Variants in ATXN1 observed in about 807,000 individuals in gnomAD.
The protein encoded by ATXN1 is ataxin-1.
A neutral mutation model predicts 56.4 loss-of-function variants in ATXN1; 8 were observed. That is an observed-to-expected ratio of 0.14 (90% CI 0.08 to 0.26). The LOEUF is 0.26. Among genes scored for constraint, ATXN1 ranks in the 10% least tolerant of loss-of-function variants. ATXN1 has a pLI of 1.00. For missense variants in ATXN1, 987 were observed against 1,106.5 expected (o/e 0.89, Z 1.53); for synonymous variants, 514 against 494.6 (o/e 1.04, Z -0.52).
chr6:16,455,991 T>C (rs1055762315), intron 6 of ATXN1, among the ~76,000 whole-genome samples: 1 of 152,106 alleles, frequency 6.6e-6, no homozygotes, highest in Non-Finnish European at 1.5e-5. Context: ...GGCACTCTGA[T>C]AGGACAGAAA....
intron 6 of ATXN1, among the ~76,000 whole-genome samples, chr6:16,448,152 C>G (rs1935740531): frequency 6.6e-6 from 1 of 152,188 alleles, no homozygotes; most frequent in South Asian, 2.1e-4. Context: ...GTGAAACCCT[C>G]CTCCTCTTTT....
At chr6:16,563,836 C>T (rs1489275389) in intron 4 of ATXN1, among the ~76,000 whole-genome samples, 1 of 152,136 alleles carries the variant, frequency 6.6e-6, no homozygotes, top group African/African-American at 2.4e-5. Context: ...ATTTCATCAT[C>T]TTTTTGTCAA....
chr6:16,337,007 A>G lies in ATXN1; in HGVS notation c.-160-8537T>C, dbSNP rs543097478. ...CGCTGGCTTGGGTAGCTCTGCGTCC[A>G]GTGGGGAGTTGTTCTTTGATTAAGG... On this transcript the variant is annotated intron_variant, in intron 6 of 7. Transcript: ENST00000436367. Among the ~76,000 whole-genome samples, 18 of 152,280 alleles carry G rather than the reference A, an allele frequency of 1.2e-4. No homozygotes were observed. The East Asian group carries it at 3.5e-3, about 29-fold the overall frequency.
intron 4 of ATXN1, among the ~76,000 whole-genome samples, chr6:16,553,003 G>A (rs549346444): frequency 3.3e-5 from 5 of 152,330 alleles, no homozygotes; most frequent in South Asian, 2.1e-4. Context: ...GTGGGCAATC[G>A]CACAGATACC....
chr6:16,683,763 G>A (rs554392438), intron 2 of ATXN1, among the ~76,000 whole-genome samples: 3 of 152,282 alleles, frequency 2.0e-5, no homozygotes, highest in African/African-American at 7.2e-5. Context: ...TTTTCTTCCT[G>A]GCAAATTGCT....
In ATXN1 at chr6:16,703,338, G is replaced by T. The variant is rs957524498; in HGVS notation, c.-614-45437C>A. 2.0e-4 allele frequency among the ~76,000 whole-genome samples: 30 copies of T among 152,240 alleles called. No homozygotes were observed. The East Asian group carries it at 5.4e-3, about 27-fold the overall frequency. ...ACACCCCAGGGCCTGTTGTGGGGTG[G>T]GGGGAAGGGGGAGGGATAGCATTAG... On this transcript the variant is annotated intron_variant, in intron 2 of 7. Coordinates refer to ENST00000436367, the MANE Select transcript of ATXN1 (RefSeq NM_001128164.2).
chr6:16,327,308 C>T lies in ATXN1; in HGVS notation c.1003G>A (p.Gly335Arg), dbSNP rs762107654. ...CCCAGGTCGGCTGAGGACGGGGCCC[C>T]GTACCGCCGGCTCTTCTCCATCTCA... ...NGEMEKSRRYGAPSSADLGLG... is the reference protein window; with the variant it reads ...NGEMEKSRRYRAPSSADLGLG... Residue 335 changes from glycine (G) to arginine (R), a missense_variant, in exon 7 of 8, where the codon GGG (glycine) becomes AGG (arginine). Gly to Arg is a moderately radical substitution (Grantham distance 125). Transcript: ENST00000436367. 20 of 1,613,034 alleles carry T rather than the reference C, an allele frequency of 1.2e-5. No homozygotes were observed. Among genetic ancestry groups the T allele is most frequent in the Admixed American group, 8.3e-5 (5 of 60,006 alleles).
intron 2 of ATXN1, among the ~76,000 whole-genome samples, chr6:16,726,354 C>G (rs1267187975): frequency 7.3e-6 from 1 of 136,458 alleles, no homozygotes; most frequent in African/African-American, 2.8e-5. Flanking sequence ...GCACTCCAGT[C>G]TGGGTGGCAG....
intron 4 of ATXN1, among the ~76,000 whole-genome samples, chr6:16,575,598 G>A (rs1261192208): frequency 6.6e-6 from 1 of 152,202 alleles, no homozygotes; most frequent in South Asian, 2.1e-4. Flanking sequence ...GGCACACAGC[G>A]GGTATTCAGC....
chr6:16,573,720 C>T (rs1302191899), intron 4 of ATXN1, among the ~76,000 whole-genome samples: 1 of 152,186 alleles, frequency 6.6e-6, no homozygotes, highest in East Asian at 1.9e-4. Context: ...TATAACTCCG[C>T]TGGCCCCTCC....
At chr6:16,690,090 A>G (rs911582702) in intron 2 of ATXN1, among the ~76,000 whole-genome samples, 1 of 151,742 alleles carries the variant, frequency 6.6e-6, no homozygotes, top group Non-Finnish European at 1.5e-5. Context: ...TTTAATTTTG[A>G]TGTTTATTAT....
At chr6:16,449,840 G>T (rs1759718426) in intron 6 of ATXN1, among the ~76,000 whole-genome samples, 3 of 152,086 alleles carry the variant, frequency 2.0e-5, no homozygotes, top group Admixed American at 2.0e-4. Context: ...TCTCAATACT[G>T]CACAACAACA....
rs370593234 is a variant in ATXN1, at chr6:16,515,170, A to G, written c.-299+7457T>C. On this transcript the variant is annotated intron_variant, in intron 5 of 7. Transcript: ENST00000436367. ...GTGTCCTCCACATCGGTCCCTTTGT[A>G]ACACGCCCACAGTAGTTCTCAAAAC... Among the ~76,000 whole-genome samples, 49 of 152,054 alleles carry G rather than the reference A, an allele frequency of 3.2e-4. No homozygotes were observed. In the Middle Eastern group the frequency reaches 0.01, roughly 32 times the overall value.
intron 3 of ATXN1, among the ~76,000 whole-genome samples, chr6:16,606,774 C>T (rs892604666): frequency 6.6e-6 from 1 of 151,480 alleles, no homozygotes; most frequent in East Asian, 1.9e-4. Flanking sequence ...GTGATCCGCC[C>T]GCCTCAGCCT....
chr6:16,575,047 G>C (rs1277424804), intron 4 of ATXN1, among the ~76,000 whole-genome samples: 1 of 151,980 alleles, frequency 6.6e-6, no homozygotes, highest in Non-Finnish European at 1.5e-5. Flanking sequence ...GGATATCAGA[G>C]ATGACACGCC....
chr6:16,331,521 C>A (rs535068037), intron 6 of ATXN1, among the ~76,000 whole-genome samples: 2 of 152,270 alleles, frequency 1.3e-5, no homozygotes, highest in South Asian at 2.1e-4. Context: ...GGCCCTCCTG[C>A]AGCACTGATC....
At chr6:16,433,619 T>G (rs915492461) in intron 6 of ATXN1, among the ~76,000 whole-genome samples, 2 of 152,244 alleles carry the variant, frequency 1.3e-5, no homozygotes, top group African/African-American at 4.8e-5. Flanking sequence ...ATTGTCTTGA[T>G]GGAATTCAGC....
rs532493933 is a variant in ATXN1 at position 16,509,443 on chromosome 6, A to C, written c.-299+13184T>G. Among the ~76,000 whole-genome samples, 3 of 152,262 alleles carry C rather than the reference A, an allele frequency of 2.0e-5. No individual in the cohort carries two copies. The East Asian group carries it at 5.8e-4, about 29-fold the overall frequency. The stretch of plus-strand genomic sequence containing the variant: ...GGCCTCTTGGAGGTGACATTTGTGC[A>C]CTCATTCAGGTCATTTTTCCATTCA... On this transcript the variant is annotated intron_variant, in intron 5 of 7. Coordinates refer to ENST00000436367, the MANE Select transcript of ATXN1 (RefSeq NM_001128164.2).
At chr6:16,468,134 GA>G (rs2113635351) in intron 6 of ATXN1, among the ~76,000 whole-genome samples, 1 of 152,300 alleles carries the variant, frequency 6.6e-6, no homozygotes, top group Admixed American at 6.5e-5. Flanking sequence ...TCTGAGGCTA[GA>G]GACTAAAGTA....
Sources: allele counts gnomAD v4.1 joint callset (sites outside exome capture counted in the v4.1 genomes callset), GRCh38; gene constraint gnomAD v4.1.1; transcripts MANE v1.5; gene names NCBI Gene and HGNC (gene_info 2026-07-23, HGNC 2026-07-21).